The following SRGAP3 variants were observed in gnomAD, a reference collection of about 807,000 sequenced individuals.
SRGAP3 encodes the protein SLIT-ROBO Rho GTPase activating protein 3, also known as SLIT-ROBO Rho GTPase-activating protein 3.
In SRGAP3, 39 loss-of-function variants were observed where a neutral mutation model predicts 121.1. That is an observed-to-expected ratio of 0.32 (90% confidence interval 0.25 to 0.42). SRGAP3 has a LOEUF of 0.42. SRGAP3 is among the 10% of genes least tolerant of loss of function. The pLI, the probability that SRGAP3 is intolerant of heterozygous loss-of-function variation, is 1.00. For synonymous variants in SRGAP3, 601 were observed against 570.0 expected, an observed-to-expected ratio of 1.05 and a Z score of -0.77; for missense variants, 1,213 against 1,470.6, an observed-to-expected ratio of 0.82 and a Z score of 2.86.
At chr3:9,284,274 T>C (rs1290757604) in intron 3 of SRGAP3, among the ~76,000 whole-genome samples, 1 of 152,198 alleles carries the variant, frequency 6.6e-6, no homozygotes, top group East Asian at 1.9e-4. Flanking sequence ...ACCAAAAAGA[T>C]GTGTAAAAGA....
rs2030512017 is a variant in SRGAP3 at position 9,356,384 on chromosome 3, T to C, written n.214+6456A>G. ...TTTTTTTTTTTTTTTTTTTTTTTTTTTTTTTTGAGACAGAGTCCCGCTCTA... is the reference window on the plus strand; with the variant it reads ...TTTTTTTTTTTTTTTTTTTTTTTTTCTTTTTTGAGACAGAGTCCCGCTCTA... On this transcript the variant is annotated intron_variant and non_coding_transcript_variant, in intron 1 of 3. Coordinates refer to the SRGAP3 transcript ENST00000490889. Among the ~76,000 whole-genome samples, 3 of 134,960 alleles carry C rather than the reference T, an allele frequency of 2.2e-5. No individual in the cohort carries two copies. In the South Asian group the frequency reaches 7.5e-4, roughly 34 times the overall value. The allele number at this position is 134,960 out of a possible 152,430, so 88.5% of individuals were successfully genotyped here. A position where few individuals can be genotyped will look rare whatever the true frequency, so the allele number is the denominator to read the frequency against.
At position 9,020,926 on chromosome 3, in the gene SRGAP3, C is replaced by T. The variant is rs192134488; in HGVS notation, c.1678+4335G>A. ...GCCCTGCCTGGAGCTTACTTTTACCCAGATCACCTGGGCGTTGCCAAAGGC... is the reference window on the plus strand; with the variant it reads ...GCCCTGCCTGGAGCTTACTTTTACCTAGATCACCTGGGCGTTGCCAAAGGC... On this transcript the variant is annotated intron_variant, in intron 14 of 21. Coordinates refer to ENST00000383836, the MANE Select transcript of SRGAP3 (RefSeq NM_014850.4). Among the ~76,000 whole-genome samples the T allele has an allele frequency of 2.7e-3, 410 of 152,340 alleles. 3 individuals are homozygous for T. The highest frequency in any genetic ancestry group is 3.5e-3 in the Non-Finnish European group (241 of 68,028).
chr3:9,167,114 C>A (rs1950814482), intron 1 of SRGAP3, among the ~76,000 whole-genome samples: 1 of 152,180 alleles, frequency 6.6e-6, no homozygotes, highest in Non-Finnish European at 1.5e-5. Context: ...GCTCTCCCAC[C>A]ATCAGCAGAA....
At chr3:9,264,545 G>T (rs1954317390) in intron 3 of SRGAP3, among the ~76,000 whole-genome samples, 1 of 152,096 alleles carries the variant, frequency 6.6e-6, no homozygotes. Flanking sequence ...AAATCCATGT[G>T]CAAAAATCAC....
At chr3:9,317,066 C>T (rs778742277) in intron 3 of SRGAP3, among the ~76,000 whole-genome samples, 4 of 152,140 alleles carry the variant, frequency 2.6e-5, no homozygotes, top group Non-Finnish European at 5.9e-5. Context: ...ACAGGGCAAC[C>T]CTCTGAAAAG....
intron 1 of SRGAP3, among the ~76,000 whole-genome samples, chr3:9,202,129 G>A (rs1433699712): frequency 6.6e-6 from 1 of 152,220 alleles, no homozygotes; most frequent in African/African-American, 2.4e-5. Flanking sequence ...AAAAGATTAT[G>A]CATGGATGGG....
intron 3 of SRGAP3, among the ~76,000 whole-genome samples, chr3:9,301,677 G>T (rs1386140105): frequency 6.6e-6 from 1 of 152,214 alleles, no homozygotes; most frequent in African/African-American, 2.4e-5. Flanking sequence ...TCAAGAGGAG[G>T]TAGAATATTG....
intron 1 of SRGAP3, among the ~76,000 whole-genome samples, chr3:9,177,915 G>A (rs1488411395): frequency 6.6e-6 from 1 of 152,180 alleles, no homozygotes; most frequent in Non-Finnish European, 1.5e-5. Context: ...ACCTGCCCCA[G>A]GACCTCTGCA....
chr3:9,070,656 A>G (rs565716708), intron 4 of SRGAP3, among the ~76,000 whole-genome samples: 3 of 152,238 alleles, frequency 2.0e-5, no homozygotes, highest in African/African-American at 7.2e-5. Context: ...GATAGATGGG[A>G]GAAAGGAAGA....
intron 3 of SRGAP3, among the ~76,000 whole-genome samples, chr3:9,286,409 C>T (rs973270065): frequency 2.0e-5 from 3 of 151,948 alleles, no homozygotes; most frequent in East Asian, 1.9e-4. Flanking sequence ...ACCTATAATC[C>T]CTGAACTTTG....
At chr3:9,190,749 T>A (rs1951729617) in intron 1 of SRGAP3, among the ~76,000 whole-genome samples, 1 of 152,124 alleles carries the variant, frequency 6.6e-6, no homozygotes. Flanking sequence ...GCCCTGTGAC[T>A]AAAACAGAAC....
At chr3:9,214,023 T>C (rs1053065490) in intron 1 of SRGAP3, among the ~76,000 whole-genome samples, 1 of 152,144 alleles carries the variant, frequency 6.6e-6, no homozygotes, top group African/African-American at 2.4e-5. Flanking sequence ...TTTTATTTTC[T>C]TTGTAATGGT....
At position 9,056,291 on chromosome 3, in the gene SRGAP3, A is replaced by G. The variant is rs779885636; in HGVS notation, c.1067T>C (p.Leu356Pro). The G allele has an allele frequency of 2.6e-5, 42 of 1,613,938 alleles. No homozygotes were observed. The highest frequency in any genetic ancestry group is 3.6e-5 in the Non-Finnish European group (42 of 1,179,994). ...SAQQPVQTEL[L>P]MRYHQLQSRL... ...GGACTGCAGCTGGTGATAACGCATG[A>G]GCAGTTCTGTCTGGACGGGCTGCTG... Residue 356 changes from leucine to proline, a missense_variant, in exon 8 of 22, where the codon CTC becomes CCC. Physicochemically the swap from Leu to Pro is moderately conservative, Grantham distance 98. Transcript: ENST00000383836.
At chr3:9,194,543 A>C (rs1951862251) in intron 1 of SRGAP3, 1 of 152,208 alleles carries the variant, frequency 6.6e-6, no homozygotes, top group Non-Finnish European at 1.5e-5. Context: ...TTCTGTACTC[A>C]TGCTCCTAAC....
chr3:9,348,723 T>G, intron 1 of SRGAP3: 5 of 1,260,648 alleles, frequency 4.0e-6, no homozygotes, highest in Non-Finnish European at 4.6e-6. Flanking sequence ...TCTGGGGGTC[T>G]GATCGGTCTC....
chr3:9,127,207 T>C (rs922008372), intron 1 of SRGAP3, among the ~76,000 whole-genome samples: 65 of 151,798 alleles, frequency 4.3e-4, no homozygotes, highest in African/African-American at 1.5e-3. Flanking sequence ...TGTGGTGGCA[T>C]GGGCTTGTGT....
chr3:9,201,040 AG>A (rs1952053172), intron 1 of SRGAP3, among the ~76,000 whole-genome samples: 1 of 152,204 alleles, frequency 6.6e-6, no homozygotes, highest in Non-Finnish European at 1.5e-5. Context: ...CCAATTCCAG[AG>A]GCCTCCCTCT....
chr3:9,359,939 T>C (rs1294553660), intron 1 of SRGAP3, among the ~76,000 whole-genome samples: 1 of 152,234 alleles, frequency 6.6e-6, no homozygotes, highest in Non-Finnish European at 1.5e-5. Flanking sequence ...TTGTTGTTTT[T>C]GTTGTTTAGA....
intron 1 of SRGAP3, among the ~76,000 whole-genome samples, chr3:9,346,808 T>C (rs1385634853): frequency 6.6e-6 from 1 of 150,550 alleles, no homozygotes; most frequent in Non-Finnish European, 1.5e-5. Flanking sequence ...GAGGCTGAAG[T>C]GCAATGGCGC....
Sources: allele counts gnomAD v4.1 joint callset (sites outside exome capture counted in the v4.1 genomes callset), GRCh38; gene constraint gnomAD v4.1.1; transcripts MANE v1.5; gene names NCBI Gene and HGNC (gene_info 2026-07-23, HGNC 2026-07-21).